Variants in GALNT17 observed in about 807,000 individuals in gnomAD.
GALNT17 encodes the protein UDP-GalNAc:polypeptide N-acetylgalactosaminyltransferase-like 3.
Under a neutral mutation model 63.7 loss-of-function variants are expected in GALNT17, and 29 were observed. The observed-to-expected ratio is 0.46, with a 90% CI of 0.34 to 0.62. The LOEUF (loss-of-function observed/expected upper bound fraction) is 0.62. Ranked by LOEUF, GALNT17 falls within the 20% of genes least tolerant of loss-of-function variation. GALNT17 has a pLI of 0.01. For synonymous variants in GALNT17, 305 were observed against 318.3 expected (o/e 0.96, Z 0.45); for missense variants, 603 against 799.6 (o/e 0.75, Z 2.97).
At position 71,522,223 on chromosome 7, in the gene GALNT17, G is replaced by A. The variant is rs559418292; in HGVS notation, c.963-49062G>A. 2.6e-5 allele frequency among the ~76,000 whole-genome samples: 4 copies of A among 152,298 alleles called. No homozygotes were observed. In the South Asian group the frequency reaches 8.3e-4, roughly 32 times the overall value. On this transcript the variant is annotated intron_variant, in intron 5 of 10. Coordinates refer to ENST00000333538, the MANE Select transcript of GALNT17 (RefSeq NM_022479.3). ...ATGGTGTCAATGTTGGATGCAGAGA[G>A]TCCTCAAACCCTCTTGAGCATGGTT...
At chr7:71,530,336 A>G (rs1172828101) in intron 5 of GALNT17, among the ~76,000 whole-genome samples, 1 of 151,620 alleles carries the variant, frequency 6.6e-6, no homozygotes, top group East Asian at 1.9e-4. Context: ...ACGCAACAAC[A>G]CACACACACA....
chr7:71,459,699 GA>G (rs1466492700), intron 5 of GALNT17, among the ~76,000 whole-genome samples: 2 of 152,160 alleles, frequency 1.3e-5, no homozygotes, highest in African/African-American at 4.8e-5. Flanking sequence ...TTGTGGGGGG[GA>G]AAATTGCATC....
chr7:71,421,836 G>A, intron 5 of GALNT17, among the ~76,000 whole-genome samples: 1 of 151,930 alleles, frequency 6.6e-6, no homozygotes, highest in East Asian at 1.9e-4. Context: ...TGTAATCCCA[G>A]CTACTTGGGA....
At chr7:71,216,235 GAAGA>G (rs1789475798) in intron 1 of GALNT17, among the ~76,000 whole-genome samples, 1 of 151,800 alleles carries the variant, frequency 6.6e-6, no homozygotes, top group African/African-American at 2.4e-5. Context: ...ACCAAAACAT[GAAGA>G]GAGAGAGAGA....
rs539442362 is a variant in GALNT17, at chr7:71,540,966, C to T, written c.963-30319C>T. Among the ~76,000 whole-genome samples, 6 of 152,016 alleles carry T rather than the reference C, an allele frequency of 3.9e-5. No homozygotes were observed. In the South Asian group the frequency reaches 1.0e-3, roughly 26 times the overall value. Reference sequence around the variant, plus strand: ...TAAAGAAACGATGGCCAGCCGGGCGCGGTGGCTCATGCCTGGAATCCCAGC... The same window carrying T: ...TAAAGAAACGATGGCCAGCCGGGCGTGGTGGCTCATGCCTGGAATCCCAGC... On this transcript the variant is annotated intron_variant, in intron 5 of 10. Coordinates refer to ENST00000333538, the MANE Select transcript of GALNT17 (RefSeq NM_022479.3).
chr7:71,552,804 A>ATTAAATAAT, intron 5 of GALNT17, among the ~76,000 whole-genome samples: 1 of 152,278 alleles, frequency 6.6e-6, no homozygotes, highest in African/African-American at 2.4e-5. Flanking sequence ...GTGGTTTACC[A>ATTAAATAAT]GGTTGCCCAT....
At chr7:71,320,192 G>A (rs1791579071) in intron 1 of GALNT17, among the ~76,000 whole-genome samples, 1 of 152,086 alleles carries the variant, frequency 6.6e-6, no homozygotes, top group African/African-American at 2.4e-5. Flanking sequence ...CATGAGAAGA[G>A]GGCAGTCTGC....
chr7:71,508,303 G>A (rs1244269154), intron 5 of GALNT17, among the ~76,000 whole-genome samples: 4 of 152,154 alleles, frequency 2.6e-5, no homozygotes, highest in African/African-American at 7.2e-5. Flanking sequence ...TTGCAATTAC[G>A]TGAAACCAGC....
At chr7:71,256,033 C>G (rs1457850799) in intron 1 of GALNT17, among the ~76,000 whole-genome samples, 1 of 152,184 alleles carries the variant, frequency 6.6e-6, no homozygotes, top group African/African-American at 2.4e-5. Context: ...ACAATCTATT[C>G]TCCCTGAAGC....
intron 5 of GALNT17, among the ~76,000 whole-genome samples, chr7:71,434,539 G>A (rs1397824739): frequency 6.6e-6 from 1 of 152,216 alleles, no homozygotes; most frequent in African/African-American, 2.4e-5. Flanking sequence ...AAGTCACAGT[G>A]AAGAAGATAG....
intron 1 of GALNT17, among the ~76,000 whole-genome samples, chr7:71,162,588 G>A (rs75038912): frequency 6.7e-6 from 1 of 149,220 alleles, no homozygotes; most frequent in Non-Finnish European, 1.5e-5. Flanking sequence ...AGGGCTCCAT[G>A]TGACTGCATG....
intron 5 of GALNT17, among the ~76,000 whole-genome samples, chr7:71,428,327 T>G (rs1786797854): frequency 6.6e-6 from 1 of 152,150 alleles, no homozygotes; most frequent in African/African-American, 2.4e-5. Context: ...GGACATTTCA[T>G]ATAAGTGGAG....
chr7:71,667,808 T>TC (rs1791007172), intron 7 of GALNT17, among the ~76,000 whole-genome samples: 1 of 151,532 alleles, frequency 6.6e-6, no homozygotes, highest in African/African-American at 2.4e-5. Flanking sequence ...AAGGGGAATT[T>TC]TTTTTTTTTG....
chr7:71,617,138 T>C (rs912753038), intron 6 of GALNT17, among the ~76,000 whole-genome samples: 1 of 149,556 alleles, frequency 6.7e-6, no homozygotes, highest in Non-Finnish European at 1.5e-5. Flanking sequence ...TACAATATTA[T>C]TTATTTACTT....
chr7:71,309,332 C>T (rs184698331), intron 1 of GALNT17, among the ~76,000 whole-genome samples: 1 of 152,212 alleles, frequency 6.6e-6, no homozygotes, highest in African/African-American at 2.4e-5. Flanking sequence ...AGCTACCTGC[C>T]TCCCATCTCA....
chr7:71,150,231 T>C (rs1317128712), intron 1 of GALNT17, among the ~76,000 whole-genome samples: 1 of 152,140 alleles, frequency 6.6e-6, no homozygotes, highest in East Asian at 1.9e-4. Context: ...ATGGTACCTA[T>C]TATACTAGGG....
At chr7:71,209,764 G>A (rs1789341724) in intron 1 of GALNT17, among the ~76,000 whole-genome samples, 1 of 152,126 alleles carries the variant, frequency 6.6e-6, no homozygotes, top group Admixed American at 6.5e-5. Flanking sequence ...AGAAAAAGAG[G>A]TTTAATCAGA....
chr7:71,161,036 T>A (rs528572055), intron 1 of GALNT17, among the ~76,000 whole-genome samples: 2 of 152,048 alleles, frequency 1.3e-5, no homozygotes, highest in Non-Finnish European at 2.9e-5. Context: ...AGATAGGGTC[T>A]TGCTATGTTG....
At chr7:71,503,482 C>T (rs1788215373) in intron 5 of GALNT17, among the ~76,000 whole-genome samples, 1 of 152,102 alleles carries the variant, frequency 6.6e-6, no homozygotes, top group African/African-American at 2.4e-5. Flanking sequence ...AGCGATCTGC[C>T]CACCCCGGCC....
Sources: gnomAD v4.1 joint callset for allele counts (sites outside exome capture counted in the v4.1 genomes callset) on GRCh38, gnomAD v4.1.1 for gene constraint, MANE v1.5 for transcripts, NCBI Gene and HGNC (gene_info 2026-07-23, HGNC 2026-07-21) for gene names.